Variants in CHODL observed in about 807,000 individuals in gnomAD.
CHODL encodes the protein chondrolectin.
Under a neutral mutation model 34.5 loss-of-function variants are expected in CHODL, and 29 were observed. The ratio of observed to expected loss-of-function variants is 0.84; its 90% CI spans 0.63 to 1.15. The LOEUF is 1.15. CHODL is among the 50% of genes most tolerant of loss of function. The pLI is 0.00. For missense variants in CHODL, 332 were observed against 332.5 expected (o/e 1.00, Z 0.01); for synonymous variants, 125 against 116.1 (o/e 1.08, Z -0.49).
chr21:18,256,666 AAT>A lies in CHODL; in HGVS notation c.239_240del (p.Ile80ArgfsTer16). Reference sequence around the variant, plus strand: ...TTGAGAATGAAGCAGAACAGAAGTTAATAGAGAGCATGTTGCAAAACCTGACA... The same window carrying A: ...TTGAGAATGAAGCAGAACAGAAGTTAAGAGAGCATGTTGCAAAACCTGACA... ...SLENEAEQKL[I>X]ESMLQNLTKP... On this transcript the variant is annotated frameshift_variant, in exon 2 of 6. Coordinates refer to ENST00000299295, the MANE Select transcript of CHODL (RefSeq NM_024944.3). LOFTEE classifies it high-confidence loss of function. 6.2e-7 allele frequency: 1 copy of A among 1,614,072 alleles called. No homozygotes were observed. Among genetic ancestry groups the A allele is most frequent in the Non-Finnish European group, 8.5e-7 (1 of 1,179,992 alleles).
intron 2 of CHODL, among the ~76,000 whole-genome samples, chr21:18,081,281 C>A (rs2064938694): frequency 6.6e-6 from 1 of 152,068 alleles, no homozygotes; most frequent in Non-Finnish European, 1.5e-5. Flanking sequence ...CATCAGTGAA[C>A]AAGGATCATT....
At chr21:17,945,054 CA>C (rs34045487) in intron 1 of CHODL, among the ~76,000 whole-genome samples, 4 of 150,834 alleles carry the variant, frequency 2.7e-5, no homozygotes, top group African/African-American at 7.3e-5. Context: ...ACTAAAAATA[CA>C]AAAAAAATTA....
At chr21:18,133,994 A>T (rs149258515) in intron 2 of CHODL, among the ~76,000 whole-genome samples, 1 of 152,152 alleles carries the variant, frequency 6.6e-6, no homozygotes, top group African/African-American at 2.4e-5. Context: ...TCAATTACCT[A>T]TCTATCTCTC....
At chr21:18,204,080 A>G (rs1431439875) in intron 2 of CHODL, among the ~76,000 whole-genome samples, 1 of 152,138 alleles carries the variant, frequency 6.6e-6, no homozygotes, top group African/African-American at 2.4e-5. Context: ...GGTATCTTGG[A>G]AATGAAGTAA....
chr21:17,968,639 T>C (rs2063591570), intron 1 of CHODL, among the ~76,000 whole-genome samples: 1 of 152,178 alleles, frequency 6.6e-6, no homozygotes, highest in Non-Finnish European at 1.5e-5. Flanking sequence ...GTCTTCCAAT[T>C]CCCCTTCCCT....
chr21:18,154,542 G>C (rs1299423047), intron 2 of CHODL, among the ~76,000 whole-genome samples: 1 of 152,036 alleles, frequency 6.6e-6, no homozygotes, highest in Admixed American at 6.6e-5. Context: ...AAAGCCCCCA[G>C]ATACAGAATT....
At chr21:18,145,563 GA>G (rs2072873636) in intron 2 of CHODL, among the ~76,000 whole-genome samples, 1 of 151,656 alleles carries the variant, frequency 6.6e-6, no homozygotes, top group Non-Finnish European at 1.5e-5. Context: ...ATATAGCATA[GA>G]ATGGAGGGTG....
intron 2 of CHODL, among the ~76,000 whole-genome samples, chr21:18,154,273 CT>C (rs1035438858): frequency 6.6e-5 from 10 of 151,852 alleles, no homozygotes; most frequent in Non-Finnish European, 1.3e-4. Flanking sequence ...TTGACTACAT[CT>C]TTTTTTTAGG....
intron 2 of CHODL, among the ~76,000 whole-genome samples, chr21:18,182,815 G>A (rs1457545369): frequency 6.6e-6 from 1 of 152,020 alleles, no homozygotes; most frequent in Admixed American, 6.6e-5. Context: ...AAAAATCCCT[G>A]TTTATTCTGT....
chr21:18,256,730 A>G lies in CHODL; in HGVS notation c.301A>G (p.Ile101Val). Residue 101 changes from isoleucine to valine, a missense_variant, in exon 2 of 6, where the codon ATA becomes GTA. Transcript: ENST00000299295. ...AGGGATTTCTGATGGTGATTTCTGG[A>G]TAGGGCTTTGGAGGAATGGAGATGG... ...GTGISDGDFWIGLWRNGDGQT... is the reference protein window; with the variant it reads ...GTGISDGDFWVGLWRNGDGQT... 1.2e-6 allele frequency: 2 copies of G among 1,614,066 alleles called. No individual in the cohort carries two copies. The highest frequency in any genetic ancestry group is 1.7e-6 in the Non-Finnish European group (2 of 1,179,978).
intron 1 of CHODL, among the ~76,000 whole-genome samples, chr21:17,972,942 A>T (rs1600846571): frequency 6.6e-6 from 1 of 152,346 alleles, no homozygotes; most frequent in East Asian, 1.9e-4. Flanking sequence ...ACCAAAACAG[A>T]TATATAGATC....
rs112902880 is a variant in CHODL at position 18,209,197 on chromosome 21, C to T, written c.-44-47312C>T. 2.2e-4 allele frequency among the ~76,000 whole-genome samples: 34 copies of T among 152,170 alleles called. 1 individual carries two copies. The highest frequency in any genetic ancestry group is 1.7e-3 in the Admixed American group (26 of 15,282). On this transcript the variant is annotated intron_variant, in intron 2 of 6. Coordinates refer to the CHODL transcript ENST00000400127. ...GGAAACCTTAGAAATCTCTGTGGTG[C>T]TCTATTCTACTGTGGCTCAGCTGGC...
At chr21:18,123,364 A>T (rs1467519589) in intron 2 of CHODL, among the ~76,000 whole-genome samples, 1 of 152,214 alleles carries the variant, frequency 6.6e-6, no homozygotes. Context: ...TATTAAGGAG[A>T]CTAGGTGCAA....
chr21:18,241,263 CT>C (rs34965138), upstream of CHODL, among the ~76,000 whole-genome samples: 1 of 143,084 alleles, frequency 7.0e-6, no homozygotes, highest in East Asian at 2.0e-4. Context: ...AAAAAAAAAA[CT>C]TTTTGCCTAT....
At chr21:18,067,491 A>G (rs2064745988) in intron 2 of CHODL, among the ~76,000 whole-genome samples, 5 of 152,196 alleles carry the variant, frequency 3.3e-5, no homozygotes, top group Admixed American at 3.3e-4. Context: ...GCAGCAAACC[A>G]CTGAAGCTTG....
chr21:18,194,500 A>AT (rs1204099040), intron 2 of CHODL, among the ~76,000 whole-genome samples: 1 of 151,764 alleles, frequency 6.6e-6, no homozygotes, highest in Non-Finnish European at 1.5e-5. Context: ...TATTTATTTT[A>AT]TTTACGTAAA....
intron 1 of CHODL, among the ~76,000 whole-genome samples, chr21:17,978,486 A>G (rs1440820744): frequency 1.3e-5 from 2 of 151,532 alleles, no homozygotes; most frequent in African/African-American, 4.9e-5. Flanking sequence ...TGGGAGGCCG[A>G]GGTGGGCGGA....
chr21:18,081,128 C>T (rs139622451), intron 2 of CHODL, among the ~76,000 whole-genome samples: 14 of 152,120 alleles, frequency 9.2e-5, no homozygotes, highest in African/African-American at 3.4e-4. Context: ...CGGATTTTGT[C>T]GTTGGCTGGA....
chr21:18,016,349 T>G (rs1568845651), intron 1 of CHODL, among the ~76,000 whole-genome samples: 1 of 152,212 alleles, frequency 6.6e-6, no homozygotes, highest in Non-Finnish European at 1.5e-5. Context: ...CAAGCCTTGG[T>G]GGCTTCCATG....
Sources: allele counts gnomAD v4.1 joint callset (sites outside exome capture counted in the v4.1 genomes callset), GRCh38; gene constraint gnomAD v4.1.1; transcripts MANE v1.5; gene names NCBI Gene and HGNC (gene_info 2026-07-23, HGNC 2026-07-21).